The following PTPRD variants were observed in gnomAD, a reference collection of about 807,000 sequenced individuals.
PTPRD encodes the protein protein tyrosine phosphatase receptor type D, also known as receptor-type tyrosine-protein phosphatase delta.
A neutral mutation model predicts 214.5 loss-of-function variants in PTPRD; 34 were observed. That is an observed-to-expected ratio of 0.16 (90% CI 0.12 to 0.21). The LOEUF is 0.21. PTPRD is among the 10% of genes least tolerant of loss of function. The pLI is 1.00. For synonymous variants in PTPRD, 1,128 were observed against 845.7 expected (o/e 1.33, Z -5.79); for missense variants, 2,545 against 2,398.7 (o/e 1.06, Z -1.27).
chr9:9,079,813 G>A (rs1449912380), intron 10 of PTPRD, among the ~76,000 whole-genome samples: 2 of 152,058 alleles, frequency 1.3e-5, no homozygotes, highest in African/African-American at 4.8e-5. Context: ...CCCATATGCT[G>A]TGGTTATGAC....
intron 10 of PTPRD, among the ~76,000 whole-genome samples, chr9:9,045,915 C>T (rs911741920): frequency 8.5e-5 from 13 of 152,180 alleles, no homozygotes; most frequent in African/African-American, 2.7e-4. Flanking sequence ...CATTCCTCTG[C>T]TGAACACTCT....
chr9:8,738,393 T>C (rs1012841181), intron 11 of PTPRD, among the ~76,000 whole-genome samples: 1 of 152,164 alleles, frequency 6.6e-6, no homozygotes, highest in African/African-American at 2.4e-5. Flanking sequence ...CTGTTATTTG[T>C]GTCTAAATAC....
At chr9:8,859,415 G>A (rs1267027082) in intron 11 of PTPRD, among the ~76,000 whole-genome samples, 1 of 152,144 alleles carries the variant, frequency 6.6e-6, no homozygotes, top group Non-Finnish European at 1.5e-5. Flanking sequence ...GGAAAAAGTC[G>A]GCAGCTGGAA....
intron 2 of PTPRD, among the ~76,000 whole-genome samples, chr9:10,498,016 G>A (rs1190302768): frequency 6.6e-6 from 1 of 151,950 alleles, no homozygotes; most frequent in Non-Finnish European, 1.5e-5. Flanking sequence ...CATGACTTCA[G>A]TTAACAGAAA....
Position 8,404,640 on chromosome 9 carries a change from C to G in PTPRD, c.4107G>C (p.Gln1369His). The change falls in exon 36 of 46, where the codon CAG (glutamine) becomes CAC (histidine). Residue 1369 changes from glutamine to histidine, a missense_variant. By Grantham distance (24) the Gln-to-His change is conservative. Transcript: ENST00000381196. Reference protein sequence around the residue: ...QEYESIDPGQQFTWEHSNLEV... With the variant: ...QEYESIDPGQHFTWEHSNLEV... ...CCAAGTTTGAATGTTCCCAAGTGAA[C>G]TGCTGGCCAGGGTCAATTGACTTTA... 6.2e-7 allele frequency: 1 copy of G among 1,611,642 alleles called. No homozygotes were observed. Among genetic ancestry groups the G allele is most frequent in the Non-Finnish European group, 8.5e-7 (1 of 1,178,260 alleles).
intron 9 of PTPRD, among the ~76,000 whole-genome samples, chr9:9,187,625 G>T (rs1593171534): frequency 6.6e-6 from 1 of 151,262 alleles, no homozygotes. Flanking sequence ...TCTCAACCTT[G>T]TTCTAATGTC....
chr9:10,544,988 C>T (rs1365117126), intron 2 of PTPRD, among the ~76,000 whole-genome samples: 1 of 152,154 alleles, frequency 6.6e-6, no homozygotes, highest in Non-Finnish European at 1.5e-5. Flanking sequence ...GGTCGCATCT[C>T]TCTTTTCTTT....
intron 7 of PTPRD, among the ~76,000 whole-genome samples, chr9:9,648,585 T>A (rs993785314): frequency 2.6e-5 from 4 of 152,224 alleles, no homozygotes; most frequent in African/African-American, 7.2e-5. Flanking sequence ...TGAATAATCA[T>A]AATCTCATGT....
intron 3 of PTPRD, among the ~76,000 whole-genome samples, chr9:10,259,370 A>C (rs12000438): frequency 4.5e-4 from 69 of 152,088 alleles, no homozygotes; most frequent in African/African-American, 1.6e-3. Context: ...TTTCTTCCTC[A>C]CCAATATGTG....
chr9:9,525,130 T>C (rs1043899421), intron 8 of PTPRD, among the ~76,000 whole-genome samples: 3 of 152,218 alleles, frequency 2.0e-5, no homozygotes, highest in African/African-American at 7.2e-5. Flanking sequence ...GTGCTGGGAT[T>C]ACAGGCGTGA....
chr9:8,799,324 A>G (rs922704306), intron 11 of PTPRD, among the ~76,000 whole-genome samples: 14 of 152,332 alleles, frequency 9.2e-5, no homozygotes, highest in African/African-American at 2.6e-4. Flanking sequence ...TGTAGTTGGT[A>G]TAAGAAAGAA....
At chr9:9,608,295 AAAGT>A (rs1184041959) in intron 7 of PTPRD, among the ~76,000 whole-genome samples, 1 of 152,176 alleles carries the variant, frequency 6.6e-6, no homozygotes, top group Non-Finnish European at 1.5e-5. Flanking sequence ...TTGATGTACT[AAAGT>A]AATATATACA....
At chr9:10,500,074 C>A (rs1050511114) in intron 2 of PTPRD, among the ~76,000 whole-genome samples, 1 of 151,620 alleles carries the variant, frequency 6.6e-6, no homozygotes. Context: ...TATTTTAAAT[C>A]ATCAAATATA....
At chr9:8,917,539 A>G (rs146020751) in intron 11 of PTPRD, among the ~76,000 whole-genome samples, 196 of 152,120 alleles carry the variant, frequency 1.3e-3, no homozygotes, top group African/African-American at 4.4e-3. Context: ...AACTCAGAGC[A>G]CGGTTTGTCT....
At chr9:9,274,473 G>C (rs1450593163) in intron 9 of PTPRD, among the ~76,000 whole-genome samples, 2 of 151,178 alleles carry the variant, frequency 1.3e-5, no homozygotes, top group African/African-American at 4.8e-5. Flanking sequence ...AAATTATAAA[G>C]ACTTAAGGTA....
At chr9:10,524,736 G>C (rs916577857) in intron 2 of PTPRD, among the ~76,000 whole-genome samples, 1 of 152,026 alleles carries the variant, frequency 6.6e-6, no homozygotes, top group African/African-American at 2.4e-5. Context: ...ATCTCACTTT[G>C]AGAAGAGAAA....
intron 12 of PTPRD, among the ~76,000 whole-genome samples, chr9:8,639,952 A>T (rs1378395821): frequency 5.3e-5 from 8 of 152,054 alleles, no homozygotes; most frequent in African/African-American, 1.9e-4. Context: ...GTTTTTTGAG[A>T]CAGGGTCTTG....
intron 3 of PTPRD, among the ~76,000 whole-genome samples, chr9:10,114,002 G>T (rs1184321553): frequency 6.6e-6 from 1 of 152,146 alleles, no homozygotes; most frequent in Non-Finnish European, 1.5e-5. Context: ...TGATTTGAAA[G>T]GACAAGGACA....
intron 2 of PTPRD, among the ~76,000 whole-genome samples, chr9:10,605,196 G>A (rs980533590): frequency 6.6e-6 from 1 of 151,710 alleles, no homozygotes; most frequent in Non-Finnish European, 1.5e-5. Flanking sequence ...AAAGGTACAG[G>A]AAGAATTTCC....
Sources: gnomAD v4.1 joint callset for allele counts (sites outside exome capture counted in the v4.1 genomes callset) on GRCh38, gnomAD v4.1.1 for gene constraint, MANE v1.5 for transcripts, NCBI Gene and HGNC (gene_info 2026-07-23, HGNC 2026-07-21) for gene names.